Variants in CACNA1G observed in about 807,000 individuals in gnomAD.
CACNA1G encodes the protein voltage-dependent T-type calcium channel subunit alpha-1G.
Under a neutral mutation model 219.4 loss-of-function variants are expected in CACNA1G, and 67 were observed. That is an observed-to-expected ratio of 0.31 (90% confidence interval 0.25 to 0.37). The LOEUF (loss-of-function observed/expected upper bound fraction) is 0.37, where lower values mean the gene tolerates loss of function less well. Among genes scored for constraint, CACNA1G ranks in the 10% least tolerant of loss-of-function variants. The pLI, the probability that CACNA1G is intolerant of heterozygous loss-of-function variation, is 1.00. For synonymous variants in CACNA1G, 1,296 were observed against 1,345.3 expected (o/e 0.96, Z 0.80); for missense variants, 2,380 against 3,231.4 (o/e 0.74, Z 6.39).
At chr17:50,624,271 A>T in intron 36 of CACNA1G, 89 bp from the exon 37 acceptor site, 1 of 1,290,474 alleles carries the variant, frequency 7.7e-7, no homozygotes. Flanking sequence ...GAGAGAGTGG[A>T]AGGGAGGGCT....
chr17:50,590,296 A>T (rs1407544615), intron 9 of CACNA1G, among the ~76,000 whole-genome samples, 175 bp from the exon 10 acceptor site: 1 of 151,912 alleles, frequency 6.6e-6, no homozygotes, highest in Admixed American at 6.5e-5. Context: ...CCCTGGGTGC[A>T]TTTCCTCCTG....
rs890075517 is a variant in CACNA1G, at chr17:50,560,833, G to C, written c.-627G>C. Among the ~76,000 whole-genome samples the C allele has an allele frequency of 6.6e-6, 1 of 151,966 alleles. No homozygotes were observed. Among genetic ancestry groups the C allele is most frequent in the African/African-American group, 2.4e-5 (1 of 41,404 alleles). On this transcript the variant is annotated 5_prime_UTR_variant, in exon 1 of 38. Transcript: ENST00000359106. Reference sequence around the variant, plus strand: ...CAGCCACCGCGGCGGCTGCGGCGGCGGCATCTCCGCCTCCACTCCCGCCCG... The same window carrying C: ...CAGCCACCGCGGCGGCTGCGGCGGCCGCATCTCCGCCTCCACTCCCGCCCG...
chr17:50,566,766 G>A (rs2037990416), intron 1 of CACNA1G, among the ~76,000 whole-genome samples: 1 of 152,182 alleles, frequency 6.6e-6, no homozygotes, highest in African/African-American at 2.4e-5. Flanking sequence ...TCCGTGCCAG[G>A]CACTACAGCA....
chr17:50,576,481 T>C (rs1405356122), intron 8 of CACNA1G, among the ~76,000 whole-genome samples, 155 bp downstream of exon 8: 1 of 152,252 alleles, frequency 6.6e-6, no homozygotes, highest in Admixed American at 6.5e-5. Context: ...ACATCCCTGC[T>C]ATGAGCTCGA....
rs768747102 is a variant in CACNA1G at position 50,623,957 on chromosome 17, G to C, written c.6111G>C (p.Arg2037=). 1.2e-6 allele frequency: 2 copies of C among 1,613,346 alleles called. No homozygotes were observed. Among genetic ancestry groups the C allele is most frequent in the East Asian group, 2.2e-5 (1 of 44,846 alleles). ...ELPGPDLLTV[R]KSGVSRTHSL... ...CAGGACCAGACTTACTGACTGTGCG[G>C]AAGTCTGGGGTCAGCCGAACGCACT... The change falls in exon 36 of 38, where the codon CGG becomes CGC. Residue 2037 remains arginine, a synonymous_variant. Transcript: ENST00000359106.
intron 9 of CACNA1G, among the ~76,000 whole-genome samples, chr17:50,587,923 C>A (rs734577): frequency 0.45 from 68,785 of 151,882 alleles, 16,588 homozygotes; most frequent in East Asian, 0.89. Context: ...CTGAGAGCCC[C>A]GTGGATAACA....
intron 26 of CACNA1G, among the ~76,000 whole-genome samples, chr17:50,613,885 C>A (rs2049840178): frequency 6.6e-6 from 1 of 152,088 alleles, no homozygotes. Context: ...TCCTCCCTTG[C>A]CCCAGGCTCT....
At position 50,561,328 on chromosome 17, in the gene CACNA1G, G is replaced by T. The variant is rs920011126; in HGVS notation, c.-132G>T. 8.6e-7 allele frequency: 1 copy of T among 1,163,052 alleles called. No individual in the cohort carries two copies. Among genetic ancestry groups the T allele is most frequent in the South Asian group, 1.5e-5 (1 of 67,988 alleles). 72.0% of individuals were successfully genotyped at this position (1,163,052 alleles called of 1,614,324 possible). ...GGAGCTGGGCTGAACTGGCCCTCCC[G>T]GGGGCTCAGCTTGCGCCCTAGAGCC... On this transcript the variant is annotated 5_prime_UTR_variant, in exon 1 of 38. Coordinates refer to ENST00000359106, the MANE Select transcript of CACNA1G (RefSeq NM_018896.5).
rs774549163 is a variant in CACNA1G, at chr17:50,572,722, C to T, written c.915C>T (p.Tyr305=). 43 of 1,613,828 alleles carry T rather than the reference C, an allele frequency of 2.7e-5. No homozygotes were observed. The highest frequency in any genetic ancestry group is 3.5e-5 in the Non-Finnish European group (41 of 1,179,876). The change falls in exon 6 of 38, where the codon TAC becomes TAT. Residue 305 remains tyrosine, a synonymous_variant. Coordinates refer to ENST00000359106, the MANE Select transcript of CACNA1G (RefSeq NM_018896.5). ...CTTGCGGTCTGGACTATGAGGCCTACAACAGCTCCAGCAACACCACCTGTG... is the reference window on the plus strand; with the variant it reads ...CTTGCGGTCTGGACTATGAGGCCTATAACAGCTCCAGCAACACCACCTGTG... The part of the protein sequence containing the change: ...GPPCGLDYEA[Y]NSSSNTTCVN...
chr17:50,607,773 A>C (rs2048258480), intron 24 of CACNA1G, 54 bp from the exon 25 acceptor site: 7 of 1,527,846 alleles, frequency 4.6e-6, no homozygotes, highest in Non-Finnish European at 6.3e-6. Context: ...GCAGCTCCTA[A>C]GACAGCTTGC....
chr17:50,589,087 G>GC lies in CACNA1G; in HGVS notation c.2302-1381dup, dbSNP rs2043612991. ...AGCAGCTACTATGGACTTGGCCTCT[G>GC]CCCTCCAGGCCAGACACCTAGTTTG... On this transcript the variant is annotated intron_variant, in intron 9 of 37. Coordinates refer to ENST00000359106, the MANE Select transcript of CACNA1G (RefSeq NM_018896.5). 2.6e-5 allele frequency among the ~76,000 whole-genome samples: 4 copies of GC among 152,310 alleles called. No individual in the cohort carries two copies. The South Asian group carries it at 8.3e-4, about 32-fold the overall frequency.
intron 9 of CACNA1G, among the ~76,000 whole-genome samples, chr17:50,583,546 G>C (rs2042384586): frequency 6.6e-6 from 1 of 152,146 alleles, no homozygotes; most frequent in African/African-American, 2.4e-5. Flanking sequence ...AGAGGCTTCA[G>C]GGGACAAAGG....
chr17:50,627,270 C>T lies in CACNA1G; in HGVS notation c.*519C>T, dbSNP rs1420354353. 3 of 453,288 alleles carry T rather than the reference C, an allele frequency of 6.6e-6. No homozygotes were observed. Among genetic ancestry groups the T allele is most frequent in the East Asian group, 7.0e-5 (1 of 14,384 alleles). 28.1% of individuals were successfully genotyped at this position (453,288 alleles called of 1,614,324 possible). ...TGCAGCCCCAACGGTGGCCCATCTTCAGCGGAGAGCGAGAACCATTTTGGA... is the reference window on the plus strand; with the variant it reads ...TGCAGCCCCAACGGTGGCCCATCTTTAGCGGAGAGCGAGAACCATTTTGGA... On this transcript the variant is annotated 3_prime_UTR_variant, in exon 38 of 38. Transcript: ENST00000359106.
chr17:50,595,108 G>T (rs373360572), intron 14 of CACNA1G, 47 bp downstream of exon 14: 1 of 1,428,508 alleles, frequency 7.0e-7, no homozygotes. Flanking sequence ...CCCCATGCCC[G>T]TGCCCCTCCA....
chr17:50,569,534 G>A (rs946721420), intron 3 of CACNA1G, among the ~76,000 whole-genome samples, 172 bp from the exon 4 acceptor site: 6 of 151,986 alleles, frequency 3.9e-5, no homozygotes, highest in Non-Finnish European at 7.4e-5. Context: ...TCCTTGTCTC[G>A]GGGTAGCCTT....
intron 14 of CACNA1G, among the ~76,000 whole-genome samples, chr17:50,595,988 G>A (rs2045460553): frequency 6.6e-6 from 1 of 152,316 alleles, no homozygotes; most frequent in Non-Finnish European, 1.5e-5. Context: ...CAGAGACAGG[G>A]AGAGAGGTAA....
chr17:50,591,297 T>G, intron 10 of CACNA1G, 138 bp from the exon 11 acceptor site: 1 of 801,190 alleles, frequency 1.2e-6, no homozygotes, highest in Non-Finnish European at 1.9e-6. Context: ...TGCTTAGAGG[T>G]CTGGGGGCCC....
At position 50,578,124 on chromosome 17, in the gene CACNA1G, C is replaced by T. The variant is rs2041118510; in HGVS notation, c.1925-64C>T. On this transcript the variant is annotated intron_variant, in intron 8 of 37. Coordinates refer to ENST00000359106, the MANE Select transcript of CACNA1G (RefSeq NM_018896.5). This position sits in a 1 kb window ranked among gnomAD's most constrained non-coding sequence, Gnocchi z 4.5. ...CTCCCTGACTCATTTTACACATACT[C>T]ACAGGGCAGGGTAGCCCCAGGTACG... 6 of 1,486,864 alleles carry T rather than the reference C, an allele frequency of 4.0e-6. No individual in the cohort carries two copies. The South Asian group carries it at 8.5e-5, about 21-fold the overall frequency. The allele number at this position is 1,486,864 out of a possible 1,614,324, so 92.1% of individuals were successfully genotyped here. A position where few individuals can be genotyped will look rare whatever the true frequency, so the allele number is the denominator to read the frequency against.
At chr17:50,590,116 T>C (rs1297338517) in intron 9 of CACNA1G, among the ~76,000 whole-genome samples, 2 of 152,186 alleles carry the variant, frequency 1.3e-5, no homozygotes, top group African/African-American at 4.8e-5. Flanking sequence ...GCTGCTGGCC[T>C]GGGCCCGCTA....
Sources: allele counts gnomAD v4.1 joint callset (sites outside exome capture counted in the v4.1 genomes callset), GRCh38; gene constraint gnomAD v4.1.1; non-coding constraint Gnocchi (gnomAD v3.1); transcripts MANE v1.5; gene names NCBI Gene and HGNC (gene_info 2026-07-23, HGNC 2026-07-21).